Variants in DAB1 observed in about 807,000 individuals in gnomAD.
The protein encoded by DAB1 is DAB adaptor protein 1.
Under a neutral mutation model 64.6 loss-of-function variants are expected in DAB1, and 15 were observed. The ratio of observed to expected loss-of-function variants is 0.23; its 90% CI spans 0.16 to 0.36. DAB1 has a LOEUF of 0.36. Ranked by LOEUF, DAB1 falls within the 10% of genes least tolerant of loss-of-function variation. The pLI is 1.00. For synonymous variants in DAB1, 235 were observed against 251.9 expected, an observed-to-expected ratio of 0.93 and a Z score of 0.64; for missense variants, 596 against 706.7, an observed-to-expected ratio of 0.84 and a Z score of 1.78.
intron 4 of DAB1, among the ~76,000 whole-genome samples, chr1:58,342,558 T>G (rs1465656089): frequency 6.6e-6 from 1 of 152,192 alleles, no homozygotes; most frequent in South Asian, 2.1e-4. Flanking sequence ...GCTCATATAC[T>G]TAACTGATCA....
intron 5 of DAB1, among the ~76,000 whole-genome samples, chr1:57,911,520 A>G (rs1418916790): frequency 1.3e-5 from 2 of 151,934 alleles, no homozygotes; most frequent in Non-Finnish European, 2.9e-5. Flanking sequence ...CTCTTCCTTG[A>G]TCCCAGGCCC....
intron 4 of DAB1, among the ~76,000 whole-genome samples, chr1:58,244,742 T>G (rs1206855442): frequency 6.6e-6 from 1 of 152,326 alleles, no homozygotes; most frequent in South Asian, 2.1e-4. Flanking sequence ...TTTACTGATT[T>G]TTATTGTGCC....
intron 3 of DAB1, among the ~76,000 whole-genome samples, chr1:58,352,371 T>C (rs1029268480): frequency 1.3e-5 from 2 of 152,168 alleles, no homozygotes; most frequent in Non-Finnish European, 2.9e-5. Context: ...ATAATAAATG[T>C]ATATTGAATA....
intron 2 of DAB1, among the ~76,000 whole-genome samples, chr1:57,289,667 C>A (rs778100770): frequency 6.6e-6 from 1 of 152,144 alleles, no homozygotes; most frequent in Non-Finnish European, 1.5e-5. Context: ...AATGCCATCA[C>A]AAAACATAAC....
chr1:58,330,353 T>G (rs147071855), intron 4 of DAB1, among the ~76,000 whole-genome samples: 8 of 152,318 alleles, frequency 5.3e-5, no homozygotes, highest in African/African-American at 1.9e-4. Flanking sequence ...TTCACACTGT[T>G]TAAGAAAAGA....
chr1:58,114,022 G>A (rs992018496), intron 5 of DAB1, among the ~76,000 whole-genome samples: 6 of 151,428 alleles, frequency 4.0e-5, no homozygotes, highest in African/African-American at 9.7e-5. Flanking sequence ...CCAGGTGGGC[G>A]GATTACTTGA....
At chr1:57,957,561 C>T (rs1645420613) in intron 5 of DAB1, among the ~76,000 whole-genome samples, 1 of 152,086 alleles carries the variant, frequency 6.6e-6, no homozygotes, top group Admixed American at 6.6e-5. Context: ...GCAGGAGACA[C>T]CAATCTGGAT....
chr1:58,218,022 A>C (rs949062992), intron 4 of DAB1, among the ~76,000 whole-genome samples: 4 of 151,488 alleles, frequency 2.6e-5, no homozygotes, highest in African/African-American at 9.7e-5. Context: ...TATATTTATT[A>C]TACATATAAT....
intron 9 of DAB1, among the ~76,000 whole-genome samples, chr1:57,047,604 G>A (rs75627409): frequency 0.043 from 6,555 of 152,214 alleles, 478 homozygotes; most frequent in African/African-American, 0.15. Context: ...TAGGAATGGA[G>A]TCCGCTAGCA....
At chr1:57,194,196 C>A (rs1222120607) in intron 2 of DAB1, among the ~76,000 whole-genome samples, 1 of 152,146 alleles carries the variant, frequency 6.6e-6, no homozygotes, top group East Asian at 1.9e-4. Flanking sequence ...AGTAACTGAC[C>A]ATTACGGCTG....
intron 7 of DAB1, among the ~76,000 whole-genome samples, chr1:57,567,950 A>C (rs1645143782): frequency 1.3e-5 from 2 of 152,362 alleles, no homozygotes; most frequent in Middle Eastern, 3.4e-3. Context: ...GGAACCAAAA[A>C]AGAGCCCGCA....
chr1:58,449,787 T>C (rs138143363), intron 3 of DAB1, among the ~76,000 whole-genome samples: 11 of 152,330 alleles, frequency 7.2e-5, no homozygotes, highest in African/African-American at 2.6e-4. Flanking sequence ...TTAAGGCAGT[T>C]GGGGCTTCCA....
At chr1:57,196,907 T>G (rs995524125) in intron 2 of DAB1, among the ~76,000 whole-genome samples, 4 of 152,220 alleles carry the variant, frequency 2.6e-5, no homozygotes, top group African/African-American at 9.6e-5. Context: ...TAGAGGTCAA[T>G]GTTTCCTGAA....
At chr1:58,088,386 G>A (rs1202774463) in intron 5 of DAB1, among the ~76,000 whole-genome samples, 1 of 152,224 alleles carries the variant, frequency 6.6e-6, no homozygotes, top group Non-Finnish European at 1.5e-5. Context: ...TCTGCTGTGT[G>A]CTAGGTATTG....
At chr1:57,529,552 T>C (rs766873011) in intron 7 of DAB1, among the ~76,000 whole-genome samples, 1 of 152,100 alleles carries the variant, frequency 6.6e-6, no homozygotes, top group Non-Finnish European at 1.5e-5. Flanking sequence ...ATGCAAACAC[T>C]AAACAAAATA....
At chr1:58,152,372 G>A (rs575934562) in intron 4 of DAB1, among the ~76,000 whole-genome samples, 1 of 152,266 alleles carries the variant, frequency 6.6e-6, no homozygotes, top group Non-Finnish European at 1.5e-5. Context: ...ATGCCACAGT[G>A]AATCTGTATC....
intron 5 of DAB1, among the ~76,000 whole-genome samples, chr1:58,081,002 C>A (rs573137025): frequency 6.6e-6 from 1 of 152,346 alleles, no homozygotes; most frequent in South Asian, 2.1e-4. Flanking sequence ...CAAGCTCATA[C>A]CTGCTCAGCT....
intron 1 of DAB1, among the ~76,000 whole-genome samples, chr1:57,845,447 T>A (rs1270506219): frequency 1.3e-5 from 2 of 152,198 alleles, no homozygotes; most frequent in African/African-American, 4.8e-5. Context: ...CTAACTGTTG[T>A]GGTAGACAGC....
At chr1:57,386,395 T>A (rs1681855777) in intron 1 of DAB1, among the ~76,000 whole-genome samples, 1 of 144,496 alleles carries the variant, frequency 6.9e-6, no homozygotes, top group African/African-American at 2.6e-5. Flanking sequence ...AAACCCGTCT[T>A]TTTCATCTCC....
Sources: gnomAD v4.1 joint callset for allele counts (sites outside exome capture counted in the v4.1 genomes callset) on GRCh38, gnomAD v4.1.1 for gene constraint, MANE v1.5 for transcripts, NCBI Gene and HGNC (gene_info 2026-07-23, HGNC 2026-07-21) for gene names.